Variants in NCOR1 observed in about 807,000 individuals in gnomAD.
NCOR1 encodes the protein nuclear receptor corepressor 1.
A neutral mutation model predicts 288.1 loss-of-function variants in NCOR1; 63 were observed. The observed-to-expected ratio is 0.22, with a 90% CI of 0.18 to 0.27. The LOEUF is 0.27. NCOR1 is among the 10% of genes least tolerant of loss of function. NCOR1 has a pLI of 1.00. For synonymous variants in NCOR1, 1,007 were observed against 1,065.9 expected (o/e 0.94, Z 1.08); for missense variants, 2,397 against 3,019.2 (o/e 0.79, Z 4.83).
chr17:16,075,845 G>A (rs1465218532), intron 26 of NCOR1, 143 bp from the exon 27 acceptor site: 16 of 846,966 alleles, frequency 1.9e-5, no homozygotes, highest in Non-Finnish European at 2.9e-5. Context: ...AAGGAAATTA[G>A]ACATTGAATT....
intron 1 of NCOR1, among the ~76,000 whole-genome samples, chr17:16,214,754 CCA>C (rs2092409518): frequency 6.6e-6 from 1 of 152,168 alleles, no homozygotes; most frequent in Non-Finnish European, 1.5e-5. Context: ...TCCTCTCTCC[CCA>C]AAAAGGGGTG....
At chr17:16,043,383 C>A (rs2058087110) in intron 42 of NCOR1, among the ~76,000 whole-genome samples, 1 of 152,038 alleles carries the variant, frequency 6.6e-6, no homozygotes, top group Non-Finnish European at 1.5e-5. Flanking sequence ...CTCCTTTCCA[C>A]CATGAAAAAT....
chr17:16,094,966 C>A (rs898959264), intron 21 of NCOR1, among the ~76,000 whole-genome samples: 4 of 152,200 alleles, frequency 2.6e-5, no homozygotes, highest in African/African-American at 9.6e-5. Context: ...GCAGAGATTG[C>A]AGCCTCTGCC....
intron 20 of NCOR1, among the ~76,000 whole-genome samples, chr17:16,100,001 CAAGACACACTCTGAAAGA>C (rs1262330407): frequency 2.0e-5 from 3 of 151,678 alleles, no homozygotes; most frequent in Admixed American, 2.0e-4. Context: ...ACAGTGACAC[CAAGACACACTCTGAAAGA>C]TAAACTTTGA....
chr17:16,141,013 G>GAAAAAAAAAAAAAAAAAAAAAAAA (rs75591454), intron 11 of NCOR1, among the ~76,000 whole-genome samples: 9 of 142,360 alleles, frequency 6.3e-5, no homozygotes, highest in South Asian at 2.3e-4. Context: ...AAAAAAAAAG[G>GAAAAAAAAAAAAAAAAAAAAAAAA]AAAATTCACT....
chr17:16,215,262 G>A (rs2153636663), intron 1 of NCOR1, 100 bp downstream of exon 1: 1 of 386,582 alleles, frequency 2.6e-6, no homozygotes, highest in East Asian at 3.7e-5. Flanking sequence ...CCCGCCCGGC[G>A]GAGAAACCGT....
intron 14 of NCOR1, among the ~76,000 whole-genome samples, chr17:16,131,158 A>AT (rs1441260096): frequency 6.6e-6 from 1 of 151,770 alleles, no homozygotes; most frequent in East Asian, 1.9e-4. Context: ...TGCCAGGCTA[A>AT]TTTTTTAATT....
chr17:16,036,581 G>A (rs1054229610), intron 44 of NCOR1, among the ~76,000 whole-genome samples: 1 of 152,210 alleles, frequency 6.6e-6, no homozygotes, highest in African/African-American at 2.4e-5. Context: ...TAGGTCTTCT[G>A]AGTAACTTGC....
intron 14 of NCOR1, among the ~76,000 whole-genome samples, chr17:16,135,858 G>A (rs1297190424): frequency 6.6e-6 from 1 of 152,202 alleles, no homozygotes; most frequent in Non-Finnish European, 1.5e-5. Flanking sequence ...GCTATCAAAC[G>A]AAGAAAGGGA....
chr17:16,207,418 C>T (rs1410601396), intron 1 of NCOR1, among the ~76,000 whole-genome samples: 1 of 152,122 alleles, frequency 6.6e-6, no homozygotes, highest in Non-Finnish European at 1.5e-5. Context: ...TGACTCTCAT[C>T]ATAAATCTAA....
intron 1 of NCOR1, among the ~76,000 whole-genome samples, chr17:16,214,812 A>G (rs1568739065): frequency 6.6e-6 from 1 of 152,220 alleles, no homozygotes; most frequent in Non-Finnish European, 1.5e-5. Context: ...AAACGGCAGA[A>G]GGTATAGTGT....
chr17:16,145,308 G>A (rs1387856308), intron 10 of NCOR1, among the ~76,000 whole-genome samples: 2 of 152,230 alleles, frequency 1.3e-5, no homozygotes, highest in East Asian at 1.9e-4. Flanking sequence ...TGCAGCCTCT[G>A]CCCGGCCACC....
rs779704322 is a variant in NCOR1, at chr17:16,032,490, A to G, written c.7136-7T>C. ...TAAGGAAACTGAGTTGAGCCTGACA[A>G]AAGAAAAATTAGGTTTTCATTGTCA... On this transcript the variant is annotated splice_region_variant and splice_polypyrimidine_tract_variant and intron_variant, in intron 45 of 45. Coordinates refer to ENST00000268712, the MANE Select transcript of NCOR1 (RefSeq NM_006311.4). 1.3e-6 allele frequency: 2 copies of G among 1,559,966 alleles called. No individual in the cohort carries two copies. The highest frequency in any genetic ancestry group is 4.7e-5 in the East Asian group (2 of 42,596).
intron 38 of NCOR1, 29 bp downstream of exon 38, chr17:16,058,442 C>T (rs563927899): frequency 3.1e-6 from 5 of 1,607,694 alleles, no homozygotes; most frequent in Admixed American, 1.7e-5. Flanking sequence ...AATATGAAAA[C>T]ATGTAAATGG....
In NCOR1 at chr17:16,030,303, G is replaced by A; in HGVS notation, c.*1993C>T. 1 of 224,522 alleles carries A rather than the reference G, an allele frequency of 4.5e-6. No homozygotes were observed. The highest frequency in any genetic ancestry group is 8.9e-6 in the Non-Finnish European group (1 of 112,608). 13.9% of individuals were successfully genotyped at this position (224,522 alleles called of 1,614,324 possible). A position where few individuals can be genotyped will look rare whatever the true frequency, so the allele number is the denominator to read the frequency against. The stretch of plus-strand genomic sequence containing the variant: ...GGGGTTGGTCTTGCTATCTTGGGTG[G>A]CAGAGGTGGAAGAAAATCCATGTAT... On this transcript the variant is annotated 3_prime_UTR_variant, in exon 46 of 46. Coordinates refer to ENST00000268712, the MANE Select transcript of NCOR1 (RefSeq NM_006311.4).
chr17:16,113,372 T>C (rs1056847844), intron 18 of NCOR1, among the ~76,000 whole-genome samples: 1 of 152,160 alleles, frequency 6.6e-6, no homozygotes, highest in African/African-American at 2.4e-5. Flanking sequence ...TGATCTAATC[T>C]GTGGATTACA....
At chr17:16,130,938 C>T (rs1478115524) in intron 14 of NCOR1, among the ~76,000 whole-genome samples, 1 of 151,898 alleles carries the variant, frequency 6.6e-6, no homozygotes. Context: ...ATTTGCCCAC[C>T]TCAGCCTCCC....
At chr17:16,097,816 G>A (rs997854098) in intron 21 of NCOR1, among the ~76,000 whole-genome samples, 1 of 152,162 alleles carries the variant, frequency 6.6e-6, no homozygotes, top group Non-Finnish European at 1.5e-5. Context: ...AGTAACCTGG[G>A]GACCCAATAC....
Position 16,101,458 on chromosome 17 carries a change from C to G in NCOR1, c.2482G>C (p.Val828Leu), listed in dbSNP as rs1258037233. The G allele has an allele frequency of 6.2e-7, 1 of 1,614,002 alleles. No individual in the cohort carries two copies. The highest frequency in any genetic ancestry group is 8.5e-7 in the Non-Finnish European group (1 of 1,180,000). Residue 828 changes from valine to leucine, a missense_variant, in exon 20 of 46, where the codon GTG becomes CTG. Coordinates refer to ENST00000268712, the MANE Select transcript of NCOR1 (RefSeq NM_006311.4). ...ACTTTAGATGCATGGTTTTCTGGCACCCTCACTTCAACGTCCACAGAGTCA... is the reference window on the plus strand; with the variant it reads ...ACTTTAGATGCATGGTTTTCTGGCAGCCTCACTTCAACGTCCACAGAGTCA... ...KADSVDVEVRVPENHASKVEG... is the reference protein window; with the variant it reads ...KADSVDVEVRLPENHASKVEG...
Sources: allele counts gnomAD v4.1 joint callset (sites outside exome capture counted in the v4.1 genomes callset), GRCh38; gene constraint gnomAD v4.1.1; transcripts MANE v1.5; gene names NCBI Gene and HGNC (gene_info 2026-07-23, HGNC 2026-07-21).